CNTN3: variants seen among roughly 807,000 people sequenced by gnomAD.
CNTN3 encodes contactin 3, also known as contactin-3.
A neutral mutation model predicts 119.1 loss-of-function variants in CNTN3; 60 were observed. The observed-to-expected ratio is 0.50, with a 90% CI of 0.41 to 0.62. CNTN3 has a LOEUF of 0.62. Among genes scored for constraint, CNTN3 ranks in the 20% least tolerant of loss-of-function variants. CNTN3 has a pLI of 0.00. For missense variants in CNTN3, 1,101 were observed against 1,242.4 expected (o/e 0.89, Z 1.71); for synonymous variants, 450 against 438.7 (o/e 1.03, Z -0.32).
intron 1 of CNTN3, among the ~76,000 whole-genome samples, chr3:74,551,953 A>G (rs1267968011): frequency 6.6e-6 from 1 of 151,256 alleles, no homozygotes; most frequent in Admixed American, 6.6e-5. Context: ...TAGTAGAGAC[A>G]GGGTTTTGCC....
chr3:74,443,648 T>C (rs2106932854), intron 4 of CNTN3, among the ~76,000 whole-genome samples: 1 of 152,310 alleles, frequency 6.6e-6, no homozygotes, highest in South Asian at 2.1e-4. Context: ...ACACACTCTT[T>C]TCTGTTTCTC....
intron 5 of CNTN3, among the ~76,000 whole-genome samples, chr3:74,407,200 C>T (rs1701338706): frequency 6.6e-6 from 1 of 150,794 alleles, no homozygotes; most frequent in African/African-American, 2.4e-5. Flanking sequence ...TGTGTGGGTG[C>T]TAGAAGCATT....
intron 5 of CNTN3, among the ~76,000 whole-genome samples, chr3:74,381,053 G>T (rs1173913367): frequency 1.7e-4 from 24 of 143,998 alleles, no homozygotes; most frequent in South Asian, 6.7e-4. Flanking sequence ...TGGAGAAATT[G>T]TTTTTTTTTT....
At chr3:74,299,180 ACTGGGC>A (rs1702403825) in intron 17 of CNTN3, among the ~76,000 whole-genome samples, 1 of 152,056 alleles carries the variant, frequency 6.6e-6, no homozygotes, top group African/African-American at 2.4e-5. Flanking sequence ...TGCACTCCAG[ACTGGGC>A]AACAGAGCAA....
At chr3:74,480,620 T>C (rs1027705066) in intron 4 of CNTN3, among the ~76,000 whole-genome samples, 2 of 151,976 alleles carry the variant, frequency 1.3e-5, no homozygotes, top group Non-Finnish European at 2.9e-5. Flanking sequence ...AGAGAAAATA[T>C]GGACAAAAGC....
At chr3:74,608,001 G>C (rs1705021363) in intron 1 of CNTN3, among the ~76,000 whole-genome samples, 1 of 152,154 alleles carries the variant, frequency 6.6e-6, no homozygotes, top group Non-Finnish European at 1.5e-5. Flanking sequence ...GGTATTGCAG[G>C]ACAGATATAT....
At chr3:74,480,120 T>C (rs1702736990) in intron 4 of CNTN3, among the ~76,000 whole-genome samples, 1 of 152,102 alleles carries the variant, frequency 6.6e-6, no homozygotes, top group South Asian at 2.1e-4. Context: ...TATAATAACA[T>C]GGCCTAAGCT....
At chr3:74,331,473 C>T (rs112665290) in intron 13 of CNTN3, among the ~76,000 whole-genome samples, 2 of 152,192 alleles carry the variant, frequency 1.3e-5, no homozygotes, top group African/African-American at 2.4e-5. Context: ...GTATCCCCAT[C>T]GTTAAGCAAC....
intron 11 of CNTN3, among the ~76,000 whole-genome samples, chr3:74,344,565 C>T (rs990461058): frequency 1.3e-5 from 2 of 150,364 alleles, no homozygotes; most frequent in Non-Finnish European, 1.5e-5. Flanking sequence ...TCACGCCATT[C>T]TCCTGCCTCG....
chr3:74,323,403 T>C (rs1487653379), intron 13 of CNTN3, among the ~76,000 whole-genome samples: 5 of 152,176 alleles, frequency 3.3e-5, no homozygotes, highest in Non-Finnish European at 7.3e-5. Flanking sequence ...AATAGGTATA[T>C]AGAGAAAGTA....
chr3:74,351,257 AG>A (rs1344185839), intron 11 of CNTN3, among the ~76,000 whole-genome samples: 15 of 152,204 alleles, frequency 9.9e-5, no homozygotes, highest in African/African-American at 3.6e-4. Flanking sequence ...ACAGAATGTG[AG>A]AGAAACGGGG....
chr3:74,496,703 G>C (rs114695912), intron 3 of CNTN3, among the ~76,000 whole-genome samples: 1 of 151,968 alleles, frequency 6.6e-6, no homozygotes, highest in African/African-American at 2.4e-5. Flanking sequence ...ACTTCCTCAG[G>C]GTAACCTCCT....
At chr3:74,474,715 A>G (rs944711769) in intron 4 of CNTN3, among the ~76,000 whole-genome samples, 1 of 152,040 alleles carries the variant, frequency 6.6e-6, no homozygotes, top group East Asian at 1.9e-4. Context: ...TCCTTCCCCA[A>G]ATCTCATATT....
chr3:74,440,347 T>A (rs1701941482), intron 4 of CNTN3, among the ~76,000 whole-genome samples: 1 of 152,144 alleles, frequency 6.6e-6, no homozygotes, highest in African/African-American at 2.4e-5. Flanking sequence ...CCTATATTAA[T>A]CTTACATGAG....
intron 1 of CNTN3, among the ~76,000 whole-genome samples, chr3:74,558,318 C>T (rs925519273): frequency 6.6e-6 from 1 of 152,144 alleles, no homozygotes; most frequent in African/African-American, 2.4e-5. Context: ...CACTCTCAAA[C>T]AAACTTCGTA....
At chr3:74,291,751 T>A (rs1187189146) in intron 19 of CNTN3, among the ~76,000 whole-genome samples, 1 of 152,154 alleles carries the variant, frequency 6.6e-6, no homozygotes, top group Non-Finnish European at 1.5e-5. Flanking sequence ...AATGGGAGAT[T>A]CAGCCACAGT....
At chr3:74,461,742 A>T (rs1470561462) in intron 4 of CNTN3, among the ~76,000 whole-genome samples, 1 of 152,126 alleles carries the variant, frequency 6.6e-6, no homozygotes, top group Admixed American at 6.6e-5. Context: ...AAAATTGAGG[A>T]ACTGGAATGA....
chr3:74,521,206 G>T lies in CNTN3; in HGVS notation c.-80-14C>A, dbSNP rs1575805421. On this transcript the variant is annotated splice_polypyrimidine_tract_variant and intron_variant, in intron 1 of 22. Transcript: ENST00000263665. ...AAATCCTTTAATCTGTAAAATATATGTACAAAGAAGTTCGTTAAAAAAAAA... is the reference window on the plus strand; with the variant it reads ...AAATCCTTTAATCTGTAAAATATATTTACAAAGAAGTTCGTTAAAAAAAAA... 5.0e-5 allele frequency: 20 copies of T among 397,742 alleles called. No homozygotes were observed. The highest frequency in any genetic ancestry group is 1.9e-4 in the East Asian group (4 of 21,494). 24.6% of individuals were successfully genotyped at this position (397,742 alleles called of 1,614,324 possible). A position where few individuals can be genotyped will look rare whatever the true frequency, so the allele number is the denominator to read the frequency against.
chr3:74,437,105 T>A (rs1008120858), intron 4 of CNTN3, among the ~76,000 whole-genome samples: 1 of 152,198 alleles, frequency 6.6e-6, no homozygotes, highest in Non-Finnish European at 1.5e-5. Flanking sequence ...ACCCCTTCTG[T>A]ACTTAGCAAA....
Sources: gnomAD v4.1 joint callset for allele counts (sites outside exome capture counted in the v4.1 genomes callset) on GRCh38, gnomAD v4.1.1 for gene constraint, MANE v1.5 for transcripts, NCBI Gene and HGNC (gene_info 2026-07-23, HGNC 2026-07-21) for gene names.